Variants in AR observed in about 807,000 individuals in gnomAD.
The protein encoded by AR is dihydrotestosterone receptor.
AR carries 8 observed loss-of-function variants against 53.9 expected under a neutral mutation model. That is an observed-to-expected ratio of 0.15 (90% confidence interval 0.09 to 0.27). The LOEUF is 0.27. AR is among the 10% of genes least tolerant of loss of function. AR has a pLI of 1.00. For synonymous variants in AR, 359 were observed against 316.4 expected (o/e 1.13, Z -1.43); for missense variants, 639 against 742.5 (o/e 0.86, Z 1.62).
intron 1 of AR, among the ~76,000 whole-genome samples, chrX:67,569,516 G>A (rs146190194): frequency 2.6e-3 from 291 of 111,768 alleles, no homozygotes; most frequent in African/African-American, 9.1e-3. Context: ...GTCTTACCCT[G>A]TGTGCTTTGC....
rs2147524194 is a variant in AR, at chrX:67,711,438, A to G, written c.1922A>G (p.Gln641Arg). 2 of 1,200,308 alleles carry G rather than the reference A, an allele frequency of 1.7e-6. No individual in the cohort carries two copies. Among genetic ancestry groups the G allele is most frequent in the Non-Finnish European group, 2.2e-6 (2 of 889,182 alleles). ...AAGAAACTTGGTAATCTGAAACTAC[A>G]GGAGGAAGGAGAGGCTTCCAGCACC... Reference protein sequence around the residue: ...KLKKLGNLKLQEEGEASSTTS... With the variant: ...KLKKLGNLKLREEGEASSTTS... Residue 641 changes from glutamine (Q) to arginine (R), a missense_variant, in exon 4 of 8, where the codon CAG becomes CGG. Coordinates refer to ENST00000374690, the MANE Select transcript of AR (RefSeq NM_000044.6).
At chrX:67,697,889 G>T (rs2076027371) in intron 3 of AR, among the ~76,000 whole-genome samples, 1 of 111,914 alleles carries the variant, frequency 8.9e-6, no homozygotes, top group Non-Finnish European at 1.9e-5. Context: ...CTGGAGTTCA[G>T]TGCACTTTTT....
chrX:67,675,161 A>G (rs966797534), intron 2 of AR, among the ~76,000 whole-genome samples: 1 of 108,823 alleles, frequency 9.2e-6, no homozygotes, highest in African/African-American at 3.4e-5. Context: ...CTGATGTAGT[A>G]TCCAAATTGC....
At chrX:67,626,599 C>T (rs2093818128) in intron 1 of AR, among the ~76,000 whole-genome samples, 1 of 79,864 alleles carries the variant, frequency 1.3e-5, no homozygotes, top group African/African-American at 4.3e-5. Flanking sequence ...CGCCACCATG[C>T]CCGACTAATT....
chrX:67,573,208 T>C (rs1921902468), intron 1 of AR, among the ~76,000 whole-genome samples: 1 of 111,650 alleles, frequency 9.0e-6, no homozygotes, highest in Non-Finnish European at 1.9e-5. Context: ...CTCTACACTT[T>C]TAGAGGGCCA....
At chrX:67,695,349 A>T in intron 3 of AR, 1 of 754,216 alleles carries the variant, frequency 1.3e-6, no homozygotes, top group Middle Eastern at 7.6e-4. Context: ...AACAAGGACC[A>T]GATTTCTGCT....
rs1016305333 is a variant in AR, at chrX:67,700,377, G to T, written c.1886-11025G>T. Among the ~76,000 whole-genome samples, 4 of 111,532 alleles carry T rather than the reference G, an allele frequency of 3.6e-5. No individual in the cohort carries two copies. In the Admixed American group the frequency reaches 3.8e-4, roughly 11 times the overall value. On this transcript the variant is annotated intron_variant, in intron 3 of 7. Transcript: ENST00000374690. ...GGGCATAAGGATGGCCTTCATGGAA[G>T]AAAAGAAGTCCTTGGATACTGAGTA...
chrX:67,669,029 T>A (rs1780852829), intron 2 of AR, among the ~76,000 whole-genome samples: 1 of 111,777 alleles, frequency 8.9e-6, no homozygotes, highest in Non-Finnish European at 1.9e-5. Context: ...TTTGTATTAT[T>A]TTTTCCTTTT....
intron 1 of AR, among the ~76,000 whole-genome samples, chrX:67,635,855 A>G (rs1244909879): frequency 9.0e-6 from 1 of 111,497 alleles, no homozygotes; most frequent in East Asian, 2.8e-4. Context: ...GGGAGGTAAG[A>G]AAAAACACAA....
intron 1 of AR, among the ~76,000 whole-genome samples, chrX:67,557,876 A>G (rs181907306): frequency 3.5e-4 from 39 of 112,640 alleles, no homozygotes; most frequent in Non-Finnish European, 5.8e-4. Context: ...ACACTGAAAT[A>G]TTATTATTTT....
chrX:67,672,925 C>T (rs979283735), intron 2 of AR, among the ~76,000 whole-genome samples: 8 of 111,478 alleles, frequency 7.2e-5, no homozygotes, highest in African/African-American at 2.6e-4. Flanking sequence ...TTTAGCATTT[C>T]TTGTAGGAAA....
intron 3 of AR, among the ~76,000 whole-genome samples, chrX:67,689,378 A>G (rs1028646651): frequency 9.1e-6 from 1 of 110,403 alleles, no homozygotes; most frequent in Non-Finnish European, 1.9e-5. Flanking sequence ...AGAAGCTGGC[A>G]CTCTTCAGCT....
At chrX:67,720,177 C>T (rs1429451386) in intron 5 of AR, among the ~76,000 whole-genome samples, 2 of 111,545 alleles carry the variant, frequency 1.8e-5, no homozygotes, top group Non-Finnish European at 3.8e-5. Flanking sequence ...TATTTTCTCT[C>T]TTGCACTCCC....
intron 2 of AR, among the ~76,000 whole-genome samples, chrX:67,665,237 C>T (rs1405058323): frequency 2.7e-5 from 3 of 112,476 alleles, no homozygotes; most frequent in African/African-American, 9.7e-5. Flanking sequence ...TGGAGCTGTT[C>T]CTATTCGGCC....
intron 1 of AR, among the ~76,000 whole-genome samples, chrX:67,632,821 T>C (rs1431415862): frequency 1.8e-5 from 2 of 112,172 alleles, no homozygotes; most frequent in Non-Finnish European, 3.8e-5. Context: ...TAAAGAACTC[T>C]TGCAACTCAA....
intron 2 of AR, among the ~76,000 whole-genome samples, chrX:67,674,372 G>T (rs1953624478): frequency 9.1e-6 from 1 of 109,665 alleles, no homozygotes; most frequent in Admixed American, 9.7e-5. Context: ...AAAGCCTAAG[G>T]GCTATACAAT....
intron 2 of AR, among the ~76,000 whole-genome samples, chrX:67,664,907 C>T (rs1927180067): frequency 8.9e-6 from 1 of 112,859 alleles, no homozygotes; most frequent in Non-Finnish European, 1.9e-5. Context: ...GCGTAGGACC[C>T]TCTGAGCCAG....
intron 2 of AR, among the ~76,000 whole-genome samples, chrX:67,645,311 TATC>T (rs749613123): frequency 8.9e-6 from 1 of 111,804 alleles, no homozygotes; most frequent in African/African-American, 3.2e-5. Context: ...TTTGCTGTCA[TATC>T]ATACATCCCA....
At position 67,726,150 on chromosome X, in the gene AR, C is replaced by A. The variant is rs142788865; in HGVS notation, c.*2309C>A. The A allele has an allele frequency of 4.4e-3, 765 of 174,067 alleles. 5 individuals carry two copies. The highest frequency in any genetic ancestry group is 0.021 in the African/African-American group (720 of 33,953). 14.3% of individuals were successfully genotyped at this position (174,067 alleles called of 1,213,427 possible). A position where few individuals can be genotyped will look rare whatever the true frequency, so the allele number is the denominator to read the frequency against. ...CGAACTTCAAAACAGCTTTAAATAA[C>A]AAGGGAGAGGGGAACCTAAGATGAG... On this transcript the variant is annotated 3_prime_UTR_variant, in exon 8 of 8. Coordinates refer to ENST00000374690, the MANE Select transcript of AR (RefSeq NM_000044.6).
Sources: allele counts gnomAD v4.1 joint callset (sites outside exome capture counted in the v4.1 genomes callset), GRCh38; gene constraint gnomAD v4.1.1; transcripts MANE v1.5; gene names NCBI Gene and HGNC (gene_info 2026-07-23, HGNC 2026-07-21).